TAFA1: variants seen among roughly 807,000 people sequenced by gnomAD.
TAFA1 encodes TAFA chemokine like family member 1.
TAFA1 carries 4 observed loss-of-function variants against 18.5 expected under a neutral mutation model. That is an observed-to-expected ratio of 0.22 (90% CI 0.11 to 0.49). The LOEUF is 0.49. Ranked by LOEUF, TAFA1 falls within the 20% of genes least tolerant of loss-of-function variation. TAFA1 has a pLI of 0.98. For missense variants in TAFA1, 147 were observed against 169.0 expected (o/e 0.87, Z 0.72); for synonymous variants, 56 against 55.2 (o/e 1.01, Z -0.06).
chr3:68,064,450 T>C (rs1376714801), intron 2 of TAFA1, among the ~76,000 whole-genome samples: 4 of 152,196 alleles, frequency 2.6e-5, no homozygotes, highest in African/African-American at 4.8e-5. Context: ...TAAAATGAAG[T>C]GACTGTCATA....
At chr3:68,309,867 C>A (rs72626949) in intron 2 of TAFA1, among the ~76,000 whole-genome samples, 3,925 of 152,184 alleles carry the variant, frequency 0.026, 91 homozygotes, top group East Asian at 0.098. Flanking sequence ...GATGTTAGTT[C>A]TAGCAGCTGC....
chr3:68,103,292 T>A (rs1044752360), intron 2 of TAFA1, among the ~76,000 whole-genome samples: 1 of 152,214 alleles, frequency 6.6e-6, no homozygotes, highest in African/African-American at 2.4e-5. Flanking sequence ...AGCTGCAGGC[T>A]GCAGGAAGGG....
intron 2 of TAFA1, among the ~76,000 whole-genome samples, chr3:68,072,335 A>C (rs1195789585): frequency 6.6e-6 from 1 of 152,114 alleles, no homozygotes; most frequent in Non-Finnish European, 1.5e-5. Context: ...AGGTTAGAGA[A>C]GTAGGTAGAG....
chr3:68,132,886 C>A (rs1192825404), intron 2 of TAFA1, among the ~76,000 whole-genome samples: 2 of 152,076 alleles, frequency 1.3e-5, no homozygotes, highest in African/African-American at 2.4e-5. Flanking sequence ...TTAATTAGAT[C>A]CCATTTGTCA....
At chr3:68,467,400 C>G (rs1397750235) in intron 3 of TAFA1, among the ~76,000 whole-genome samples, 2 of 152,100 alleles carry the variant, frequency 1.3e-5, no homozygotes, top group African/African-American at 4.8e-5. Flanking sequence ...TTCAGCAGGT[C>G]CCTCCATTTG....
chr3:68,404,315 A>G (rs2070553735), intron 2 of TAFA1, among the ~76,000 whole-genome samples: 1 of 152,234 alleles, frequency 6.6e-6, no homozygotes, highest in Non-Finnish European at 1.5e-5. Flanking sequence ...TTGATGCTGT[A>G]GAGACAACTT....
chr3:68,318,904 TA>T lies in TAFA1; in HGVS notation c.119-98374del, dbSNP rs201166649. ...AAATAGATCCCAATAGTTAAATTCA[TA>T]ACTAGAAACAGAATTCATAACACTA... On this transcript the variant is annotated intron_variant, in intron 2 of 4. Transcript: ENST00000478136. Among the ~76,000 whole-genome samples the T allele has an allele frequency of 3.8e-3, 583 of 152,320 alleles. 4 individuals carry two copies. The highest frequency in any genetic ancestry group is 6.2e-3 in the Non-Finnish European group (425 of 68,028).
At position 68,369,079 on chromosome 3, in the gene TAFA1, C is replaced by G. The variant is rs185643399; in HGVS notation, c.119-48201C>G. Among the ~76,000 whole-genome samples, 833 of 152,260 alleles carry G rather than the reference C, an allele frequency of 5.5e-3. 5 individuals are homozygous for G. The highest frequency in any genetic ancestry group is 7.8e-3 in the Non-Finnish European group (532 of 67,996). On this transcript the variant is annotated intron_variant, in intron 2 of 4. Transcript: ENST00000478136. ...ATAGATAGCCTATATTTTGCTATAG[C>G]AGGCACTTCACTTCTTTAAAACACA...
chr3:68,332,440 C>T (rs2068896794), intron 2 of TAFA1, among the ~76,000 whole-genome samples: 1 of 151,998 alleles, frequency 6.6e-6, no homozygotes, highest in Non-Finnish European at 1.5e-5. Flanking sequence ...AAAGTTATTG[C>T]ACAGCAAAGA....
intron 2 of TAFA1, among the ~76,000 whole-genome samples, chr3:68,272,435 A>C (rs1219583654): frequency 6.6e-6 from 1 of 152,094 alleles, no homozygotes; most frequent in Non-Finnish European, 1.5e-5. Flanking sequence ...AACACGTAAC[A>C]TGGGGCCTGG....
At chr3:68,385,034 C>G (rs973908746) in intron 2 of TAFA1, among the ~76,000 whole-genome samples, 1 of 151,680 alleles carries the variant, frequency 6.6e-6, no homozygotes, top group Non-Finnish European at 1.5e-5. Context: ...TATTCTGTGT[C>G]CCTTTATTTT....
chr3:68,084,322 TAAGA>T (rs2106782902), intron 2 of TAFA1, among the ~76,000 whole-genome samples: 1 of 152,336 alleles, frequency 6.6e-6, no homozygotes, highest in African/African-American at 2.4e-5. Flanking sequence ...TTAGAAAAGA[TAAGA>T]ATTTCTCTTT....
At chr3:68,462,075 T>A (rs1017232306) in intron 3 of TAFA1, among the ~76,000 whole-genome samples, 1 of 152,166 alleles carries the variant, frequency 6.6e-6, no homozygotes, top group Non-Finnish European at 1.5e-5. Context: ...CTCAGTACAA[T>A]GGCAGATAAA....
chr3:68,155,308 C>T (rs2065854244), intron 2 of TAFA1, among the ~76,000 whole-genome samples: 1 of 152,200 alleles, frequency 6.6e-6, no homozygotes, highest in African/African-American at 2.4e-5. Context: ...ACCCCCAGAA[C>T]TGTGCAGCCT....
At chr3:68,256,231 G>A (rs1439867888) in intron 2 of TAFA1, among the ~76,000 whole-genome samples, 3 of 152,038 alleles carry the variant, frequency 2.0e-5, no homozygotes, top group Non-Finnish European at 4.4e-5. Context: ...TACTTACTGA[G>A]GAGTTTCCAC....
At chr3:68,099,057 A>T (rs2065119010) in intron 2 of TAFA1, among the ~76,000 whole-genome samples, 1 of 152,194 alleles carries the variant, frequency 6.6e-6, no homozygotes, top group Admixed American at 6.6e-5. Flanking sequence ...AAAATCTTAT[A>T]AGAAAACTTA....
rs139437668 is a variant in TAFA1 at position 68,062,895 on chromosome 3, A to C, written c.118+56151A>C. 3.7e-3 allele frequency among the ~76,000 whole-genome samples: 561 copies of C among 152,328 alleles called. 5 individuals carry two copies. Among genetic ancestry groups the C allele is most frequent in the African/African-American group, 0.013 (525 of 41,580 alleles). On this transcript the variant is annotated intron_variant, in intron 2 of 4. Transcript: ENST00000478136. ...AGTGACACCAAAAGCTCTCAAAAGC[A>C]ATTAGCTAAAAGCACTAGTTTTTGA... is the stretch of plus-strand genomic sequence containing the variant.
At chr3:68,369,172 C>T (rs893760291) in intron 2 of TAFA1, among the ~76,000 whole-genome samples, 4 of 151,022 alleles carry the variant, frequency 2.6e-5, no homozygotes, top group Admixed American at 6.6e-5. Context: ...CTAGCACACA[C>T]TTATGTTGGT....
At chr3:68,373,107 C>G (rs1014323749) in intron 2 of TAFA1, among the ~76,000 whole-genome samples, 11 of 152,066 alleles carry the variant, frequency 7.2e-5, no homozygotes, top group Admixed American at 2.0e-4. Context: ...AATTCCAGCC[C>G]CTAACACAGT....
Sources: gnomAD v4.1 joint callset for allele counts (sites outside exome capture counted in the v4.1 genomes callset) on GRCh38, gnomAD v4.1.1 for gene constraint, MANE v1.5 for transcripts, NCBI Gene and HGNC (gene_info 2026-07-23, HGNC 2026-07-21) for gene names.